CD248: variants seen among roughly 807,000 people sequenced by gnomAD.
The protein encoded by CD248 is CD248 molecule.
In CD248, 7 loss-of-function variants were observed where a neutral mutation model predicts 8.0. The ratio of observed to expected loss-of-function variants is 0.88; its 90% CI spans 0.50 to 1.64. CD248 has a LOEUF of 1.64. CD248 is among the 40% of genes most tolerant of loss of function. The pLI is 0.00. For synonymous variants in CD248, 418 were observed against 437.1 expected (o/e 0.96, Z 0.54); for missense variants, 912 against 1,027.2 (o/e 0.89, Z 1.53).
rs1485866067 is a variant in CD248 at position 66,315,579 on chromosome 11, G to C, written c.1449C>G (p.Pro483=). The C allele has an allele frequency of 2.5e-6, 4 of 1,613,844 alleles. No individual in the cohort carries two copies. In the Admixed American group the frequency reaches 5.0e-5, roughly 20 times the overall value. ...GATCTGGATAGTTGGCTGCGATCACGGGGATCTGGTGGTCACGGGACAAAG... is the reference window on the plus strand; with the variant it reads ...GATCTGGATAGTTGGCTGCGATCACCGGGATCTGGTGGTCACGGGACAAAG... ...HPALSRDHQI[P]VIAANYPDLP... Residue 483 remains proline (P), a synonymous_variant, in exon 1 of 1, where the codon CCC becomes CCG. Coordinates refer to ENST00000311330, the MANE Select transcript of CD248 (RefSeq NM_020404.3). The surrounding 1 kb of genome is among the most constrained non-coding windows in gnomAD (Gnocchi z 4.3).
chr11:66,314,911 C>A lies in CD248; in HGVS notation c.2117G>T (p.Gly706Val). ...CVFLVVLLAL[G>V]IVYCTRCGPH... ...GCCACAGCGGGTGCAGTACACGATG[C>A]CCAGTGCAAGCAGGACCACCAAAAA... Residue 706 changes from glycine (G) to valine (V), a missense_variant, in exon 1 of 1, where the codon GGC (glycine) becomes GTC (valine). By Grantham distance (109) the Gly-to-Val change is moderately radical. Coordinates refer to ENST00000311330, the MANE Select transcript of CD248 (RefSeq NM_020404.3). The surrounding 1 kb of genome is among the most constrained non-coding windows in gnomAD (Gnocchi z 4.0). 6.2e-7 allele frequency: 1 copy of A among 1,613,012 alleles called. No individual in the cohort carries two copies. The highest frequency in any genetic ancestry group is 8.5e-7 in the Non-Finnish European group (1 of 1,179,750).
rs377247267 is a variant in CD248 at position 66,316,104 on chromosome 11, G to A, written c.924C>T (p.His308=). The stretch of plus-strand genomic sequence containing the variant: ...GGCACTCATCTGTGTCCACACAGCG[G>A]TGCGGATCATCCTCCGCTGGCCGGA... ...LGFRPAEDDP[H]RCVDTDECQI... Residue 308 remains histidine (H), a synonymous_variant, in exon 1 of 1, where the codon CAC becomes CAT. Transcript: ENST00000311330. 7 of 1,613,544 alleles carry A rather than the reference G, an allele frequency of 4.3e-6. No individual in the cohort carries two copies. Among genetic ancestry groups the A allele is most frequent in the Middle Eastern group, 1.6e-4 (1 of 6,062 alleles).
In CD248 at chr11:66,315,902, C is replaced by T. The variant is rs1305389207; in HGVS notation, c.1126G>A (p.Glu376Lys). The T allele has an allele frequency of 9.9e-6, 16 of 1,613,712 alleles. No individual in the cohort carries two copies. The highest frequency in any genetic ancestry group is 1.6e-4 in the Middle Eastern group (1 of 6,062). ...DELLDDGEDE[E>K]DEDEAWKAFN... is the part of the protein sequence containing the mutation. Reference sequence around the variant, plus strand: ...GCCTTCCAGGCCTCGTCTTCATCTTCCTCATCCTCCCCGTCATCCAGCAAC... The same window carrying T: ...GCCTTCCAGGCCTCGTCTTCATCTTTCTCATCCTCCCCGTCATCCAGCAAC... The change falls in exon 1 of 1, where the codon GAA (glutamate) becomes AAA (lysine). Residue 376 changes from glutamate to lysine, a missense_variant. This residue lies in a region of CD248 where 507 missense variants were observed against 562.2 expected (regional missense o/e 0.90). Transcript: ENST00000311330. This position sits in a 1 kb window ranked among gnomAD's most constrained non-coding sequence, Gnocchi z 4.3.
At position 66,316,835 on chromosome 11, in the gene CD248, C is replaced by T. The variant is rs757640463; in HGVS notation, c.193G>A (p.Glu65Lys). ...AGGCTGTCCACACGCTGGGCCTCCT[C>T]GGGGGTCCGAGGAGTGGCCAGGTCG... ...GGDLATPRTP[E>K]EAQRVDSLVG... The change falls in exon 1 of 1, where the codon GAG (glutamate) becomes AAG (lysine). Residue 65 changes from glutamate (E) to lysine (K), a missense_variant. Around this residue, in one of 3 missense-constraint regions of CD248, gnomAD observed 403 missense variants for 446.2 expected, o/e 0.90. Coordinates refer to ENST00000311330, the MANE Select transcript of CD248 (RefSeq NM_020404.3). 4.5e-6 allele frequency: 7 copies of T among 1,566,042 alleles called. No homozygotes were observed. The highest frequency in any genetic ancestry group is 2.3e-5 in the East Asian group (1 of 43,486).
chr11:66,316,471 A>T lies in CD248; in HGVS notation c.557T>A (p.Val186Asp). The change falls in exon 1 of 1, where the codon GTC becomes GAC. Residue 186 changes from valine (V) to aspartate (D), a missense_variant. This residue lies in a region of CD248 where 403 missense variants were observed against 446.2 expected (regional missense o/e 0.90). Coordinates refer to ENST00000311330, the MANE Select transcript of CD248 (RefSeq NM_020404.3). Reference sequence around the variant, plus strand: ...GGGCAGCCACTCAAACTCTGTGGAGACCAGGTGGAAGGGCGTGGTATACAC... The same window carrying T: ...GGGCAGCCACTCAAACTCTGTGGAGTCCAGGTGGAAGGGCGTGGTATACAC... ...PAVYTTPFHLVSTEFEWLPFG... is the reference protein window; with the variant it reads ...PAVYTTPFHLDSTEFEWLPFG... 1.2e-6 allele frequency: 2 copies of T among 1,600,048 alleles called. No individual in the cohort carries two copies. The highest frequency in any genetic ancestry group is 8.5e-7 in the Non-Finnish European group (1 of 1,179,702).
In CD248 at chr11:66,315,913, C is replaced by A; in HGVS notation, c.1115G>T (p.Gly372Val). The A allele has an allele frequency of 6.2e-7, 1 of 1,613,596 alleles. No homozygotes were observed. Among genetic ancestry groups the A allele is most frequent in the Non-Finnish European group, 8.5e-7 (1 of 1,180,010 alleles). The change falls in exon 1 of 1, where the codon GGG (glycine) becomes GTG (valine). Residue 372 changes from glycine (G) to valine (V), a missense_variant. By Grantham distance (109) the Gly-to-Val change is moderately radical (BLOSUM62 -3). Around this residue, in one of 3 missense-constraint regions of CD248, gnomAD observed 507 missense variants for 562.2 expected, o/e 0.90. Transcript: ENST00000311330. The surrounding 1 kb of genome is among the most constrained non-coding windows in gnomAD (Gnocchi z 4.3). ...QDLGDELLDD[G>V]EDEEDEDEAW... ...CTCGTCTTCATCTTCCTCATCCTCC[C>A]CGTCATCCAGCAACTCATCTCCGAG...
In CD248 at chr11:66,315,594, A is replaced by G. The variant is rs1289033623; in HGVS notation, c.1434T>C (p.Arg478=). The G allele has an allele frequency of 1.2e-6, 2 of 1,613,872 alleles. No individual in the cohort carries two copies. Among genetic ancestry groups the G allele is most frequent in the African/African-American group, 1.3e-5 (1 of 74,892 alleles). ...VIPATHPALS[R]DHQIPVIAAN... ...CTGCGATCACGGGGATCTGGTGGTC[A>G]CGGGACAAAGCTGGGTGTGTGGCAG... Residue 478 remains arginine, a synonymous_variant, in exon 1 of 1, where the codon CGT becomes CGC. Coordinates refer to ENST00000311330, the MANE Select transcript of CD248 (RefSeq NM_020404.3). The surrounding 1 kb of genome is among the most constrained non-coding windows in gnomAD (Gnocchi z 4.3).
Position 66,316,849 on chromosome 11 carries a change from G to A in CD248, c.179C>T (p.Thr60Ile). 2 of 1,556,556 alleles carry A rather than the reference G, an allele frequency of 1.3e-6. No individual in the cohort carries two copies. Among genetic ancestry groups the A allele is most frequent in the Non-Finnish European group, 1.7e-6 (2 of 1,158,400 alleles). Residue 60 changes from threonine to isoleucine, a missense_variant, in exon 1 of 1, where the codon ACT becomes ATT. Around this residue, in one of 3 missense-constraint regions of CD248, gnomAD observed 403 missense variants for 446.2 expected, o/e 0.90. Coordinates refer to ENST00000311330, the MANE Select transcript of CD248 (RefSeq NM_020404.3). Reference sequence around the variant, plus strand: ...CTGGGCCTCCTCGGGGGTCCGAGGAGTGGCCAGGTCGCCCCCCAGCTCGCG... The same window carrying A: ...CTGGGCCTCCTCGGGGGTCCGAGGAATGGCCAGGTCGCCCCCCAGCTCGCG... ...ACRELGGDLA[T>I]PRTPEEAQRV...
chr11:66,316,986 G>A lies in CD248; in HGVS notation c.42C>T (p.Pro14=). ...CAGCCCAGGGGTCCTGGCCCAGTGTGGGCCCTGCGGCCGCCCAGGCCAGCA... is the reference window on the plus strand; with the variant it reads ...CAGCCCAGGGGTCCTGGCCCAGTGTAGGCCCTGCGGCCGCCCAGGCCAGCA... The part of the protein sequence containing the change: ...RLLLAWAAAG[P]TLGQDPWAAE... The change falls in exon 1 of 1, where the codon CCC becomes CCT. Residue 14 remains proline, a synonymous_variant. Coordinates refer to ENST00000311330, the MANE Select transcript of CD248 (RefSeq NM_020404.3). 1 of 1,498,258 alleles carries A rather than the reference G, an allele frequency of 6.7e-7. No homozygotes were observed. Among genetic ancestry groups the A allele is most frequent in the Non-Finnish European group, 8.8e-7 (1 of 1,136,622 alleles). The allele number at this position is 1,498,258 out of a possible 1,614,324, so 92.8% of individuals were successfully genotyped here.
In CD248 at chr11:66,314,865, G is replaced by A. The variant is rs1458013673; in HGVS notation, c.2163C>T (p.Arg721=). Residue 721 remains arginine (R), a synonymous_variant, in exon 1 of 1, where the codon CGC becomes CGT. Transcript: ENST00000311330. This position sits in a 1 kb window ranked among gnomAD's most constrained non-coding sequence, Gnocchi z 4.0. ...TGACCCAGCGATAGCAGTCAGTGATGCGCTTGTTGGGTGCATGGGGGCCAC... is the reference window on the plus strand; with the variant it reads ...TGACCCAGCGATAGCAGTCAGTGATACGCTTGTTGGGTGCATGGGGGCCAC... The part of the protein sequence containing the change: ...TRCGPHAPNK[R]ITDCYRWVIH... The A allele has an allele frequency of 1.9e-6, 3 of 1,605,262 alleles. No individual in the cohort carries two copies. The highest frequency in any genetic ancestry group is 2.2e-5 in the South Asian group (2 of 89,678).
In CD248 at chr11:66,316,840, G is replaced by T. The variant is rs902928165; in HGVS notation, c.188C>A (p.Thr63Asn). 6.4e-7 allele frequency: 1 copy of T among 1,561,330 alleles called. No homozygotes were observed. The highest frequency in any genetic ancestry group is 8.6e-7 in the Non-Finnish European group (1 of 1,160,710). The change falls in exon 1 of 1, where the codon ACC becomes AAC. Residue 63 changes from threonine (T) to asparagine (N), a missense_variant. Physicochemically the swap from Thr to Asn is moderately conservative, Grantham distance 65. Coordinates refer to ENST00000311330, the MANE Select transcript of CD248 (RefSeq NM_020404.3). ...ELGGDLATPRTPEEAQRVDSL... is the reference protein window; with the variant it reads ...ELGGDLATPRNPEEAQRVDSL... ...GTCCACACGCTGGGCCTCCTCGGGG[G>T]TCCGAGGAGTGGCCAGGTCGCCCCC...
rs150334610 is a variant in CD248 at position 66,315,269 on chromosome 11, T to G, written c.1759A>C (p.Thr587Pro). The stretch of plus-strand genomic sequence containing the variant: ...GTGGTGGTCAGAGAGGGCTGGGCAG[T>G]TGGGATAATGGGAAGCTGGGTGGCC... The part of the protein sequence containing the change: ...TQATQLPIIP[T>P]AQPSLTTTSR... Residue 587 changes from threonine to proline, a missense_variant, in exon 1 of 1, where the codon ACT becomes CCT. Physicochemically the swap from Thr to Pro is conservative, Grantham distance 38. This residue lies in a region of CD248 where 507 missense variants were observed against 562.2 expected (regional missense o/e 0.90). Coordinates refer to ENST00000311330, the MANE Select transcript of CD248 (RefSeq NM_020404.3). The surrounding 1 kb of genome is among the most constrained non-coding windows in gnomAD (Gnocchi z 4.3). 1.1e-4 allele frequency: 169 copies of G among 1,536,038 alleles called. No individual in the cohort carries two copies. The African/African-American group carries it at 2.1e-3, about 19-fold the overall frequency.
rs1361299575 is a variant in CD248, at chr11:66,316,906, C to G, written c.122G>C (p.Arg41Pro). The change falls in exon 1 of 1, where the codon CGC becomes CCC. Residue 41 changes from arginine to proline, a missense_variant. Coordinates refer to ENST00000311330, the MANE Select transcript of CD248 (RefSeq NM_020404.3). ...PSSCYALFPRRRTFLEAWRAC... is the reference protein window; with the variant it reads ...PSSCYALFPRPRTFLEAWRAC... ...CCGCCAGGCCTCCAGGAAGGTGCGG[C>G]GCCGTGGGAAGAGAGCGTAGCAGCT... 6.4e-7 allele frequency: 1 copy of G among 1,558,106 alleles called. No homozygotes were observed. The highest frequency in any genetic ancestry group is 8.6e-7 in the Non-Finnish European group (1 of 1,161,968).
rs1854559555 is a variant in CD248, at chr11:66,316,967, A to G, written c.61T>C (p.Trp21Arg). 6.5e-7 allele frequency: 1 copy of G among 1,537,366 alleles called. No homozygotes were observed. The highest frequency in any genetic ancestry group is 8.7e-7 in the Non-Finnish European group (1 of 1,154,810). The change falls in exon 1 of 1, where the codon TGG becomes CGG. Residue 21 changes from tryptophan to arginine, a missense_variant. By Grantham distance (101) the Trp-to-Arg change is moderately radical. Coordinates refer to ENST00000311330, the MANE Select transcript of CD248 (RefSeq NM_020404.3). Reference sequence around the variant, plus strand: ...CAGGCGGCACGGGGCTCAGCAGCCCAGGGGTCCTGGCCCAGTGTGGGCCCT... The same window carrying G: ...CAGGCGGCACGGGGCTCAGCAGCCCGGGGGTCCTGGCCCAGTGTGGGCCCT... ...AAGPTLGQDP[W>R]AAEPRAACGP... is the part of the protein sequence containing the mutation.
rs1443994193 is a variant in CD248 at position 66,316,307 on chromosome 11, C to A, written c.721G>T (p.Gly241Cys). The A allele has an allele frequency of 1.9e-6, 3 of 1,612,984 alleles. No individual in the cohort carries two copies. The highest frequency in any genetic ancestry group is 1.7e-5 in the Admixed American group (1 of 59,980). ...TCCTCCACACATTCGTGTTCGCAGC[C>A]CCCGTTGTCAGGGCTGCAGCCAGTC... is the stretch of plus-strand genomic sequence containing the variant. ...LGTGCSPDNG[G>C]CEHECVEEVD... Residue 241 changes from glycine (G) to cysteine (C), a missense_variant, in exon 1 of 1, where the codon GGC becomes TGC. Physicochemically the swap from Gly to Cys is radical, Grantham distance 159. Coordinates refer to ENST00000311330, the MANE Select transcript of CD248 (RefSeq NM_020404.3).
chr11:66,316,222 C>T lies in CD248; in HGVS notation c.806G>A (p.Arg269His), dbSNP rs138870896. ...TEGFRLAADG[R>H]SCEDPCAQAP... ...CTGGGCACAGGGGTCCTCGCAACTG[C>T]GCCCGTCTGCTGCCAGCCGGAAGCC... The change falls in exon 1 of 1, where the codon CGC (arginine) becomes CAC (histidine). Residue 269 changes from arginine (R) to histidine (H), a missense_variant. Around this residue, in one of 3 missense-constraint regions of CD248, gnomAD observed 403 missense variants for 446.2 expected, o/e 0.90. Coordinates refer to ENST00000311330, the MANE Select transcript of CD248 (RefSeq NM_020404.3). 1.7e-5 allele frequency: 27 copies of T among 1,613,212 alleles called. No homozygotes were observed. Among genetic ancestry groups the T allele is most frequent in the East Asian group, 8.9e-5 (4 of 44,884 alleles).
rs1042801542 is a variant in CD248 at position 66,315,709 on chromosome 11, T to C, written c.1319A>G (p.Tyr440Cys). The C allele has an allele frequency of 2.5e-6, 4 of 1,611,776 alleles. No individual in the cohort carries two copies. The highest frequency in any genetic ancestry group is 3.4e-6 in the Non-Finnish European group (4 of 1,178,642). Reference protein sequence around the residue: ...PPPLSAPRVPYHSSVLSVTRP... With the variant: ...PPPLSAPRVPCHSSVLSVTRP... ...GGTGACGGAGAGCACTGAGGAGTGG[T>C]AGGGGACCCTGGGGGCACTGAGCGG... The change falls in exon 1 of 1, where the codon TAC becomes TGC. Residue 440 changes from tyrosine (Y) to cysteine (C), a missense_variant. Around this residue, in one of 3 missense-constraint regions of CD248, gnomAD observed 507 missense variants for 562.2 expected, o/e 0.90. Transcript: ENST00000311330. This position sits in a 1 kb window ranked among gnomAD's most constrained non-coding sequence, Gnocchi z 4.3.
At position 66,314,746 on chromosome 11, in the gene CD248, G is replaced by A. The variant is rs1049792532; in HGVS notation, c.*8C>T. On this transcript the variant is annotated 3_prime_UTR_variant, in exon 1 of 1. Coordinates refer to ENST00000311330, the MANE Select transcript of CD248 (RefSeq NM_020404.3). The surrounding 1 kb of genome is among the most constrained non-coding windows in gnomAD (Gnocchi z 4.0). Reference sequence around the variant, plus strand: ...GCCCCATACTCCATGAGGGGGGTCTGCACCCCATCACACGCTGGTTCTGCA... The same window carrying A: ...GCCCCATACTCCATGAGGGGGGTCTACACCCCATCACACGCTGGTTCTGCA... The A allele has an allele frequency of 5.8e-6, 9 of 1,542,710 alleles. No homozygotes were observed. Among genetic ancestry groups the A allele is most frequent in the Non-Finnish European group, 7.9e-6 (9 of 1,141,970 alleles).
rs1854535666 is a variant in CD248, at chr11:66,315,528, A to G, written c.1500T>C (p.Ile500=). 3 of 1,613,778 alleles carry G rather than the reference A, an allele frequency of 1.9e-6. No homozygotes were observed. Among genetic ancestry groups the G allele is most frequent in the Non-Finnish European group, 8.5e-7 (1 of 1,179,922 alleles). ...PDLPSAYQPG[I]LSVSHSAQPP... is the part of the protein sequence containing the mutation. ...GCTGTGCTGAATGAGAGACAGAGAG[A>G]ATACCGGGTTGGTAGGCAGAAGGCA... The change falls in exon 1 of 1, where the codon ATT becomes ATC. Residue 500 remains isoleucine (I), a synonymous_variant. Coordinates refer to ENST00000311330, the MANE Select transcript of CD248 (RefSeq NM_020404.3). This position sits in a 1 kb window ranked among gnomAD's most constrained non-coding sequence, Gnocchi z 4.3.
Sources: allele counts gnomAD v4.1 joint callset, GRCh38; gene constraint gnomAD v4.1.1; regional missense constraint gnomAD v4.1.1; non-coding constraint Gnocchi (gnomAD v3.1); transcripts MANE v1.5; gene names NCBI Gene and HGNC (gene_info 2026-07-23, HGNC 2026-07-21).